The following KLK12 variants were observed in gnomAD, a reference collection of about 807,000 sequenced individuals.
KLK12 encodes kallikrein related peptidase 12, also known as kallikrein-12.
A neutral mutation model predicts 20.0 loss-of-function variants in KLK12; 23 were observed. The observed-to-expected ratio is 1.15, with a 90% CI of 0.83 to 1.63. The LOEUF (loss-of-function observed/expected upper bound fraction) is 1.63, where lower values mean the gene tolerates loss of function less well. Among genes scored for constraint, KLK12 ranks in the 40% most tolerant of loss-of-function variants. The pLI, the probability that KLK12 is intolerant of heterozygous loss-of-function variation, is 0.00. For missense variants in KLK12, 351 were observed against 338.6 expected, an observed-to-expected ratio of 1.04 and a Z score of -0.29; for synonymous variants, 147 against 141.9, an observed-to-expected ratio of 1.04 and a Z score of -0.25.
Position 51,034,049 on chromosome 19 carries a change from G to C in KLK12, c.128C>G (p.Thr43Ser). 6.3e-7 allele frequency: 1 copy of C among 1,595,598 alleles called. No homozygotes were observed. Among genetic ancestry groups the C allele is most frequent in the Non-Finnish European group, 8.5e-7 (1 of 1,171,150 alleles). Reference protein sequence around the residue: ...QPWQVGLFEGTSLRCGGVLID... With the variant: ...QPWQVGLFEGSSLRCGGVLID... ...AAGGACACCCCCGCAGCGCAGGCTG[G>C]TGCCCTCAAACAGCCCCACCTGCCA... The change falls in exon 3 of 6, where the codon ACC (threonine) becomes AGC (serine). Residue 43 changes from threonine to serine, a missense_variant. Coordinates refer to ENST00000684732, the MANE Select transcript of KLK12 (RefSeq NM_001370125.1).
Position 51,034,602 on chromosome 19 carries a change from A to T in KLK12, c.20T>A (p.Leu7Ter). ...GAACTCACCAAGAACACACAGGAGC[A>T]AAAAGATGCTGAGCCCCATGGTGGG... is the stretch of plus-strand genomic sequence containing the variant. The part of the protein sequence containing the change: MGLSIF[L>*]LLCVLGLSQA... The change falls in exon 2 of 6, where the codon TTG becomes TAG. Residue 7 changes from leucine to a stop codon, truncating the protein, a stop_gained. Transcript: ENST00000684732. LOFTEE classifies it high-confidence loss of function. 1 of 1,611,772 alleles carries T rather than the reference A, an allele frequency of 6.2e-7. No homozygotes were observed. The highest frequency in any genetic ancestry group is 1.1e-5 in the South Asian group (1 of 90,548).
In KLK12 at chr19:51,029,257, G is replaced by A; in HGVS notation, c.*45C>T. On this transcript the variant is annotated 3_prime_UTR_variant, in exon 6 of 6. Coordinates refer to ENST00000684732, the MANE Select transcript of KLK12 (RefSeq NM_001370125.1). ...AGATATTGGTGCTCTGAGGGCCAGA[G>A]GGGTACCCAAGTTAAGGGGTGGGGG... 1 of 1,613,326 alleles carries A rather than the reference G, an allele frequency of 6.2e-7. No individual in the cohort carries two copies. Among genetic ancestry groups the A allele is most frequent in the South Asian group, 1.1e-5 (1 of 91,084 alleles).
intron 3 of KLK12, 138 bp from the exon 4 acceptor site, chr19:51,032,273 T>G: frequency 1.0e-6 from 1 of 993,594 alleles, no homozygotes; most frequent in Non-Finnish European, 1.5e-6. Flanking sequence ...ACTCTCATTC[T>G]CCGAGTCTCT....
intron 5 of KLK12, among the ~76,000 whole-genome samples, chr19:51,030,443 G>A (rs1485620404): frequency 2.6e-5 from 4 of 151,522 alleles, no homozygotes; most frequent in African/African-American, 7.3e-5. Flanking sequence ...TCCGCCTCCC[G>A]GGATCAAGCG....
chr19:51,029,202 C>G lies in KLK12; in HGVS notation c.*100G>C, dbSNP rs143216918. 1 of 1,613,560 alleles carries G rather than the reference C, an allele frequency of 6.2e-7. No homozygotes were observed. Among genetic ancestry groups the G allele is most frequent in the African/African-American group, 1.3e-5 (1 of 74,678 alleles). On this transcript the variant is annotated 3_prime_UTR_variant, in exon 6 of 6. Coordinates refer to ENST00000684732, the MANE Select transcript of KLK12 (RefSeq NM_001370125.1). ...AAGTTCCAAGAAGTTCCCAGGCCAA[C>G]AAGAGTGGAGCTAGGGGAAGTGATG...
In KLK12 at chr19:51,029,370, T is replaced by A; in HGVS notation, c.679A>T (p.Ile227Phe). The A allele has an allele frequency of 1.2e-6, 2 of 1,613,968 alleles. No individual in the cohort carries two copies. Among genetic ancestry groups the A allele is most frequent in the Non-Finnish European group, 1.7e-6 (2 of 1,179,908 alleles). Residue 227 changes from isoleucine (I) to phenylalanine (F), a missense_variant, in exon 6 of 6, where the codon ATC becomes TTC. Physicochemically the swap from Ile to Phe is conservative, Grantham distance 21. Coordinates refer to ENST00000684732, the MANE Select transcript of KLK12 (RefSeq NM_001370125.1). Reference sequence around the variant, plus strand: ...CAAATATAGGTGTAGACTCCAGGGATGCCATCTTGTCCACAGGGCCCCACA... The same window carrying A: ...CAAATATAGGTGTAGACTCCAGGGAAGCCATCTTGTCCACAGGGCCCCACA... ...GSVGPCGQDGIPGVYTYICKY... is the reference protein window; with the variant it reads ...GSVGPCGQDGFPGVYTYICKY...
chr19:51,032,231 T>C (rs993645356), intron 3 of KLK12, 96 bp from the exon 4 acceptor site: 41 of 1,383,174 alleles, frequency 3.0e-5, no homozygotes, highest in Non-Finnish European at 3.8e-5. Context: ...TCCCCACTGT[T>C]CTGCCCCTCA....
At position 51,030,481 on chromosome 19, in the gene KLK12, C is replaced by A. The variant is rs1012522558; in HGVS notation, c.591+307G>T. Among the ~76,000 whole-genome samples the A allele has an allele frequency of 3.9e-5, 6 of 152,062 alleles. 1 individual carries two copies. The highest frequency in any genetic ancestry group is 6.8e-3 in the Middle Eastern group (2 of 294). On this transcript the variant is annotated intron_variant, in intron 5 of 5. Transcript: ENST00000684732. ...TCTCCTGCCTCAGCCTTCCAAGTAGCTGGGGCCACAGGCTTGCACCACCAC... is the reference window on the plus strand; with the variant it reads ...TCTCCTGCCTCAGCCTTCCAAGTAGATGGGGCCACAGGCTTGCACCACCAC...
At position 51,034,548 on chromosome 19, in the gene KLK12, C is replaced by G. The variant is rs780591879; in HGVS notation, c.37+37G>C. Reference sequence around the variant, plus strand: ...CCTCATGGGGGTGAAGGGATCCAGTCGCAGTCCTGCCCTCTCCCTGCTCCG... The same window carrying G: ...CCTCATGGGGGTGAAGGGATCCAGTGGCAGTCCTGCCCTCTCCCTGCTCCG... On this transcript the variant is annotated intron_variant, in intron 2 of 5. Transcript: ENST00000684732. 7 of 1,602,710 alleles carry G rather than the reference C, an allele frequency of 4.4e-6. No homozygotes were observed. The South Asian group carries it at 7.9e-5, about 18-fold the overall frequency.
intron 2 of KLK12, 141 bp downstream of exon 2, chr19:51,034,444 T>C (rs1270948079): frequency 6.7e-7 from 1 of 1,493,352 alleles, no homozygotes; most frequent in East Asian, 2.5e-5. Flanking sequence ...TGCAGGTAAA[T>C]GGAGGCACAG....
At chr19:51,033,729 G>A (rs902340918) in intron 3 of KLK12, 12 of 577,980 alleles carry the variant, frequency 2.1e-5, no homozygotes, top group Non-Finnish European at 3.7e-5. Context: ...GGAAAGAAAG[G>A]GTACATGCAG....
rs572992228 is a variant in KLK12 at position 51,033,049 on chromosome 19, A to G, written c.198-914T>C. 1.4e-4 allele frequency among the ~76,000 whole-genome samples: 22 copies of G among 151,824 alleles called. No individual in the cohort carries two copies. In the South Asian group the frequency reaches 4.2e-3, roughly 29 times the overall value. On this transcript the variant is annotated intron_variant, in intron 3 of 5. Transcript: ENST00000684732. Reference sequence around the variant, plus strand: ...GGTAACATAGCAAAACCCTGTCTCTACAAAAAAAATTTAAAAATTAGCCAG... The same window carrying G: ...GGTAACATAGCAAAACCCTGTCTCTGCAAAAAAAATTTAAAAATTAGCCAG...
chr19:51,031,759 T>A (rs2091559977), intron 4 of KLK12, 117 bp downstream of exon 4: 1 of 1,171,316 alleles, frequency 8.5e-7, no homozygotes, highest in Admixed American at 1.7e-5. Context: ...TGATGTCCCA[T>A]CCCACACCCT....
At chr19:51,033,927 C>T in intron 3 of KLK12, 53 bp downstream of exon 3, 1 of 1,551,586 alleles carries the variant, frequency 6.4e-7, no homozygotes, top group Non-Finnish European at 8.8e-7. Context: ...ATCCTACCCC[C>T]AGCGCTTGCC....
rs372385822 is a variant in KLK12, at chr19:51,030,926, A to G, written c.458-5T>C. ...GGAGCAGATCCGGGAATGGGTCTGGAGAGAGAACATGCGTGCTGCAGGGTC... is the reference window on the plus strand; with the variant it reads ...GGAGCAGATCCGGGAATGGGTCTGGGGAGAGAACATGCGTGCTGCAGGGTC... On this transcript the variant is annotated splice_polypyrimidine_tract_variant and splice_region_variant and intron_variant, in intron 4 of 5. Coordinates refer to ENST00000684732, the MANE Select transcript of KLK12 (RefSeq NM_001370125.1). 3.1e-6 allele frequency: 5 copies of G among 1,613,778 alleles called. 1 individual carries two copies. In the African/African-American group the frequency reaches 6.7e-5, roughly 22 times the overall value.
Position 51,030,272 on chromosome 19 carries a change from C to G in KLK12, c.591+516G>C, listed in dbSNP as rs369693347. On this transcript the variant is annotated intron_variant, in intron 5 of 5. Coordinates refer to ENST00000684732, the MANE Select transcript of KLK12 (RefSeq NM_001370125.1). ...TCCCCCTCCTCCATTCCCCGGTCCT[C>G]CCTTTTACTCCCTGTCTCTCTCCCT... is the stretch of plus-strand genomic sequence containing the variant. Among the ~76,000 whole-genome samples, 14 of 151,386 alleles carry G rather than the reference C, an allele frequency of 9.2e-5. No homozygotes were observed. The East Asian group carries it at 2.1e-3, about 23-fold the overall frequency.
At chr19:51,030,320 C>CATTATTATTATTATT (rs143678001) in intron 5 of KLK12, among the ~76,000 whole-genome samples, 83 of 134,682 alleles carry the variant, frequency 6.2e-4, no homozygotes, top group Middle Eastern at 3.8e-3. Flanking sequence ...GCCTCTCCTC[C>CATTATTATTATTATT]ATTATTATTA....
intron 5 of KLK12, among the ~76,000 whole-genome samples, chr19:51,030,305 C>A (rs373507021): frequency 1.2e-4 from 18 of 146,182 alleles, no homozygotes; most frequent in Admixed American, 4.2e-4. Context: ...CCTCCCTTAT[C>A]CTGGGCCTCT....
rs201199989 is a variant in KLK12, at chr19:51,032,028, G to A, written c.305C>T (p.Ser102Leu). 12 of 1,608,752 alleles carry A rather than the reference G, an allele frequency of 7.5e-6. No homozygotes were observed. The East Asian group carries it at 8.9e-5, about 12-fold the overall frequency. Residue 102 changes from serine (S) to leucine (L), a missense_variant, in exon 4 of 6, where the codon TCG becomes TTG. Transcript: ENST00000684732. ...CCGGAGGTCGTGCTCGTGGCTCGTC[G>A]AGGCTCCCAGGTAGCCGGGATGGGT... ...SVTHPGYLGA[S>L]TSHEHDLRLL...
Sources: gnomAD v4.1 joint callset for allele counts (sites outside exome capture counted in the v4.1 genomes callset) on GRCh38, gnomAD v4.1.1 for gene constraint, MANE v1.5 for transcripts, NCBI Gene and HGNC (gene_info 2026-07-23, HGNC 2026-07-21) for gene names.